The following ROBO2 variants were observed in gnomAD, a reference collection of about 807,000 sequenced individuals.
ROBO2 encodes roundabout guidance receptor 2.
ROBO2 carries 53 observed loss-of-function variants against 160.8 expected under a neutral mutation model. The ratio of observed to expected loss-of-function variants is 0.33; its 90% CI spans 0.26 to 0.41. The LOEUF is 0.41. ROBO2 is among the 10% of genes least tolerant of loss of function. The pLI is 1.00. For missense variants in ROBO2, 1,577 were observed against 1,722.4 expected, an observed-to-expected ratio of 0.92 and a Z score of 1.49; for synonymous variants, 664 against 611.7, an observed-to-expected ratio of 1.09 and a Z score of -1.26.
chr3:76,471,296 A>T (rs1400679846), intron 2 of ROBO2, among the ~76,000 whole-genome samples: 2 of 152,180 alleles, frequency 1.3e-5, no homozygotes, highest in African/African-American at 4.8e-5. Flanking sequence ...CTTAGACTAG[A>T]CACATTTTTA....
At chr3:76,688,945 T>C (rs1279189532) in intron 2 of ROBO2, among the ~76,000 whole-genome samples, 2 of 152,038 alleles carry the variant, frequency 1.3e-5, no homozygotes, top group African/African-American at 2.4e-5. Flanking sequence ...CTCATAGGCA[T>C]AAAGAAATAA....
intron 2 of ROBO2, among the ~76,000 whole-genome samples, chr3:77,013,480 AT>A (rs2062038097): frequency 6.6e-6 from 1 of 152,188 alleles, no homozygotes; most frequent in African/African-American, 2.4e-5. Context: ...ATCAATGTTG[AT>A]GAAATAATAC....
intron 2 of ROBO2, among the ~76,000 whole-genome samples, chr3:76,999,083 G>C (rs2061193656): frequency 6.6e-6 from 1 of 151,728 alleles, no homozygotes; most frequent in Admixed American, 6.6e-5. Flanking sequence ...GTGTATTCAG[G>C]CTTTCTGCTT....
At position 76,792,725 on chromosome 3, in the gene ROBO2, A is replaced by AAAC. The variant is rs1163209093; in HGVS notation, c.110-305274_110-305272dup. Among the ~76,000 whole-genome samples, 12 of 151,740 alleles carry AAAC rather than the reference A, an allele frequency of 7.9e-5. No individual in the cohort carries two copies. The East Asian group carries it at 1.6e-3, about 20-fold the overall frequency. ...GGTTTACTTAAAGACAAAAAGCAAA[A>AAAC]AACAACAACAACAACAAAAAAATCC... On this transcript the variant is annotated intron_variant, in intron 2 of 26. Transcript: ENST00000487694.
chr3:77,426,830 T>C (rs151257268), intron 2 of ROBO2, among the ~76,000 whole-genome samples: 12 of 151,970 alleles, frequency 7.9e-5, no homozygotes, highest in Middle Eastern at 3.4e-3. Flanking sequence ...GCTTTAATTT[T>C]CCCCCACAAA....
chr3:76,100,666 A>G (rs1356185654), intron 2 of ROBO2, among the ~76,000 whole-genome samples: 2 of 152,022 alleles, frequency 1.3e-5, no homozygotes, highest in African/African-American at 4.8e-5. Context: ...TGAAGCCATT[A>G]CTATGTTATA....
chr3:76,058,299 T>G (rs1576669977), intron 2 of ROBO2, among the ~76,000 whole-genome samples: 1 of 152,236 alleles, frequency 6.6e-6, no homozygotes, highest in South Asian at 2.1e-4. Flanking sequence ...TTCCCCTCCC[T>G]GTGTCCATGT....
intron 2 of ROBO2, among the ~76,000 whole-genome samples, chr3:77,251,788 T>C (rs1325918984): frequency 6.6e-6 from 1 of 152,106 alleles, no homozygotes; most frequent in East Asian, 1.9e-4. Flanking sequence ...CACTTGACTC[T>C]CTGTCTGTCT....
At chr3:76,695,391 T>C (rs1185009401) in intron 2 of ROBO2, among the ~76,000 whole-genome samples, 1 of 152,186 alleles carries the variant, frequency 6.6e-6, no homozygotes, top group East Asian at 1.9e-4. Flanking sequence ...TAAGTAATTA[T>C]TACTACCTTT....
At chr3:76,547,400 A>T (rs1022486237) in intron 2 of ROBO2, among the ~76,000 whole-genome samples, 1 of 151,822 alleles carries the variant, frequency 6.6e-6, no homozygotes, top group Non-Finnish European at 1.5e-5. Context: ...ATAACACCAC[A>T]TGTTTTACAA....
At position 76,648,933 on chromosome 3, in the gene ROBO2, A is replaced by G. The variant is rs892748989; in HGVS notation, c.110-449081A>G. 2.6e-5 allele frequency among the ~76,000 whole-genome samples: 4 copies of G among 152,242 alleles called. No homozygotes were observed. In the East Asian group the frequency reaches 7.7e-4, roughly 29 times the overall value. On this transcript the variant is annotated intron_variant, in intron 2 of 26. Transcript: ENST00000487694. ...TATTCTCACTAATCTCATCTTAGTC[A>G]CAAAATAAGGATGTCGGTGTACAAC...
intron 2 of ROBO2, among the ~76,000 whole-genome samples, chr3:76,099,177 A>G (rs1203724894): frequency 1.3e-5 from 2 of 152,194 alleles, no homozygotes; most frequent in Non-Finnish European, 2.9e-5. Flanking sequence ...TTGGCAGCCA[A>G]GACAGATGTG....
chr3:77,244,508 A>G (rs1038734943), intron 2 of ROBO2, among the ~76,000 whole-genome samples: 1 of 152,204 alleles, frequency 6.6e-6, no homozygotes, highest in African/African-American at 2.4e-5. Context: ...GGGGATGCTA[A>G]AATATAAAGT....
At chr3:76,048,595 A>G (rs142778139) in intron 2 of ROBO2, among the ~76,000 whole-genome samples, 2 of 152,302 alleles carry the variant, frequency 1.3e-5, no homozygotes, top group Non-Finnish European at 2.9e-5. Context: ...AGATGAGATT[A>G]TGGATTGTCA....
chr3:76,376,862 C>A (rs965513024), intron 2 of ROBO2, among the ~76,000 whole-genome samples: 1 of 151,990 alleles, frequency 6.6e-6, no homozygotes, highest in Non-Finnish European at 1.5e-5. Context: ...GCCAGTGGAC[C>A]CCTGGCTTTT....
intron 2 of ROBO2, among the ~76,000 whole-genome samples, chr3:76,112,469 A>G (rs181337617): frequency 2.2e-4 from 34 of 152,022 alleles, no homozygotes; most frequent in Admixed American, 1.4e-3. Flanking sequence ...TTGGGTTTTT[A>G]GGCTTATTCA....
intron 6 of ROBO2, among the ~76,000 whole-genome samples, chr3:77,523,128 T>C (rs2090783181): frequency 1.3e-5 from 2 of 151,368 alleles, no homozygotes. Flanking sequence ...ATTGCTTATA[T>C]GGTTTAACGT....
chr3:76,817,049 C>T (rs2065728144), intron 2 of ROBO2, among the ~76,000 whole-genome samples: 1 of 151,924 alleles, frequency 6.6e-6, no homozygotes, highest in South Asian at 2.1e-4. Context: ...GGGAGGGGAA[C>T]ATCAAACACT....
At chr3:77,399,718 T>C (rs749639335) in intron 2 of ROBO2, among the ~76,000 whole-genome samples, 3 of 152,164 alleles carry the variant, frequency 2.0e-5, no homozygotes, top group Non-Finnish European at 2.9e-5. Context: ...AGAATTCACA[T>C]GGTGCCTGTG....
Sources: allele counts gnomAD v4.1 joint callset (sites outside exome capture counted in the v4.1 genomes callset), GRCh38; gene constraint gnomAD v4.1.1; transcripts MANE v1.5; gene names NCBI Gene and HGNC (gene_info 2026-07-23, HGNC 2026-07-21).